GMDS: variants seen among roughly 807,000 people sequenced by gnomAD.
GMDS encodes the protein GDP-mannose 4,6 dehydratase.
GMDS carries 20 observed loss-of-function variants against 49.9 expected under a neutral mutation model. The ratio of observed to expected loss-of-function variants is 0.40; its 90% CI spans 0.28 to 0.58. The LOEUF is 0.58. Ranked by LOEUF, GMDS falls within the 20% of genes least tolerant of loss-of-function variation. The probability of loss-of-function intolerance (pLI) is 0.42; values close to 1 mark genes in which losing one functional copy is unlikely to be tolerated. For missense variants in GMDS, 362 were observed against 481.4 expected (o/e 0.75, Z 2.32); for synonymous variants, 177 against 178.6 (o/e 0.99, Z 0.07).
chr6:2,090,177 A>G (rs1271695234), intron 4 of GMDS, among the ~76,000 whole-genome samples: 1 of 152,216 alleles, frequency 6.6e-6, no homozygotes, highest in Non-Finnish European at 1.5e-5. Context: ...GTTGTTTTCA[A>G]TAGAAGATTT....
At chr6:2,174,533 T>C (rs58343222) in intron 1 of GMDS, among the ~76,000 whole-genome samples, 16,723 of 152,092 alleles carry the variant, frequency 0.11, 3,046 homozygotes, top group African/African-American at 0.38. Flanking sequence ...GAATAGAATT[T>C]AATGGTGCCT....
intron 4 of GMDS, among the ~76,000 whole-genome samples, chr6:2,110,071 CT>C (rs761176993): frequency 4.5e-4 from 68 of 152,288 alleles, no homozygotes; most frequent in Non-Finnish European, 8.2e-4. Flanking sequence ...AGGCTACCCC[CT>C]ATCCTTACTG....
At chr6:2,063,889 G>T (rs1200095218) in intron 4 of GMDS, among the ~76,000 whole-genome samples, 1 of 152,188 alleles carries the variant, frequency 6.6e-6, no homozygotes, top group African/African-American at 2.4e-5. Context: ...ACTATGAGCA[G>T]TTTAAAAGAA....
At chr6:2,006,607 T>C (rs1006948888) in intron 4 of GMDS, among the ~76,000 whole-genome samples, 2 of 152,184 alleles carry the variant, frequency 1.3e-5, no homozygotes, top group Non-Finnish European at 2.9e-5. Flanking sequence ...TAATATTTTA[T>C]ATACTATGTG....
At chr6:1,754,771 C>T (rs1375652676) in intron 7 of GMDS, among the ~76,000 whole-genome samples, 1 of 152,150 alleles carries the variant, frequency 6.6e-6, no homozygotes, top group Non-Finnish European at 1.5e-5. Flanking sequence ...GAACCAATGA[C>T]AAAACCCACA....
At chr6:1,793,532 G>A (rs902870493) in intron 7 of GMDS, among the ~76,000 whole-genome samples, 3 of 152,142 alleles carry the variant, frequency 2.0e-5, no homozygotes, top group Admixed American at 6.5e-5. Context: ...TTATGTCAGC[G>A]AATGTCATCA....
At chr6:2,033,238 T>C (rs1769080477) in intron 4 of GMDS, among the ~76,000 whole-genome samples, 1 of 152,186 alleles carries the variant, frequency 6.6e-6, no homozygotes, top group Non-Finnish European at 1.5e-5. Flanking sequence ...TGCATAATAA[T>C]TGCTGAAAGA....
At chr6:1,828,437 C>T (rs1436559157) in intron 7 of GMDS, among the ~76,000 whole-genome samples, 7 of 152,084 alleles carry the variant, frequency 4.6e-5, no homozygotes, top group Admixed American at 4.6e-4. Context: ...TCTACAAATC[C>T]AAGAAGCTCA....
intron 9 of GMDS, among the ~76,000 whole-genome samples, chr6:1,676,360 A>T (rs555203309): frequency 6.6e-6 from 1 of 152,210 alleles, no homozygotes; most frequent in Non-Finnish European, 1.5e-5. Context: ...ACACTGCCCA[A>T]GGTAATTTAT....
At chr6:1,829,347 T>G (rs1026035876) in intron 7 of GMDS, among the ~76,000 whole-genome samples, 1 of 152,272 alleles carries the variant, frequency 6.6e-6, no homozygotes, top group African/African-American at 2.4e-5. Flanking sequence ...TTTTAAATGT[T>G]TGTATAACCA....
chr6:1,665,117 C>A (rs1309468598), intron 9 of GMDS, among the ~76,000 whole-genome samples: 1 of 152,124 alleles, frequency 6.6e-6, no homozygotes, highest in Non-Finnish European at 1.5e-5. Flanking sequence ...TATTATTATA[C>A]TTTAAGTTCT....
chr6:2,137,157 T>C (rs1776049327), intron 1 of GMDS, among the ~76,000 whole-genome samples: 1 of 152,318 alleles, frequency 6.6e-6, no homozygotes, highest in East Asian at 1.9e-4. Context: ...TAAAATCTTC[T>C]GCACATTAAT....
intron 3 of GMDS, 137 bp from the exon 4 acceptor site, chr6:2,116,017 G>C (rs529506013): frequency 1.7e-6 from 1 of 600,008 alleles, no homozygotes. Context: ...GATGGTTCTG[G>C]AGTAGCAGAA....
At chr6:2,072,618 C>G (rs1484541335) in intron 4 of GMDS, among the ~76,000 whole-genome samples, 1 of 152,160 alleles carries the variant, frequency 6.6e-6, no homozygotes, top group East Asian at 1.9e-4. Context: ...AACCAATCTT[C>G]TTACAATTTC....
At chr6:1,848,685 C>T (rs957856721) in intron 7 of GMDS, among the ~76,000 whole-genome samples, 1 of 152,136 alleles carries the variant, frequency 6.6e-6, no homozygotes, top group African/African-American at 2.4e-5. Context: ...GTGGGAACGT[C>T]CAGAGGGCAG....
At chr6:1,633,868 T>C (rs1763068875) in intron 9 of GMDS, among the ~76,000 whole-genome samples, 1 of 152,188 alleles carries the variant, frequency 6.6e-6, no homozygotes, top group South Asian at 2.1e-4. Flanking sequence ...CTCTGCTGTC[T>C]GGTCACAGTG....
chr6:2,038,383 C>T (rs542265027), intron 4 of GMDS, among the ~76,000 whole-genome samples: 261 of 152,252 alleles, frequency 1.7e-3, no homozygotes, highest in Non-Finnish European at 2.9e-3. Context: ...CCAGAAAAGC[C>T]GCGCTCAAGA....
intron 6 of GMDS, among the ~76,000 whole-genome samples, chr6:1,955,960 G>C (rs2127288284): frequency 6.6e-6 from 1 of 152,192 alleles, no homozygotes; most frequent in Middle Eastern, 3.4e-3. Context: ...CTTTCCTTTA[G>C]AGCACTTGGT....
At chr6:1,837,418 G>A (rs559918508) in intron 7 of GMDS, among the ~76,000 whole-genome samples, 1 of 152,206 alleles carries the variant, frequency 6.6e-6, no homozygotes, top group Non-Finnish European at 1.5e-5. Context: ...TTTTACTCAG[G>A]ATTTAGATTC....
Sources: gnomAD v4.1 joint callset for allele counts (sites outside exome capture counted in the v4.1 genomes callset) on GRCh38, gnomAD v4.1.1 for gene constraint, MANE v1.5 for transcripts, NCBI Gene and HGNC (gene_info 2026-07-23, HGNC 2026-07-21) for gene names.